Variants in ASH1L observed in about 807,000 individuals in gnomAD.
ASH1L encodes histone-lysine N-methyltransferase ASH1L.
A neutral mutation model predicts 269.0 loss-of-function variants in ASH1L; 23 were observed. The observed-to-expected ratio is 0.09, with a 90% CI of 0.06 to 0.12. The LOEUF is 0.12. Ranked by LOEUF, ASH1L falls within the 10% of genes least tolerant of loss-of-function variation. The pLI is 1.00. For missense variants in ASH1L, 2,912 were observed against 3,567.8 expected, an observed-to-expected ratio of 0.82 and a Z score of 4.68; for synonymous variants, 1,187 against 1,253.5, an observed-to-expected ratio of 0.95 and a Z score of 1.12.
chr1:155,360,323 T>C lies in ASH1L; in HGVS notation c.6773A>G (p.His2258Arg), dbSNP rs1177051584. 1.2e-6 allele frequency: 2 copies of C among 1,612,456 alleles called. No homozygotes were observed. The highest frequency in any genetic ancestry group is 2.7e-5 in the African/African-American group (2 of 74,902). The change falls in exon 13 of 28, where the codon CAT (histidine) becomes CGT (arginine). Residue 2258 changes from histidine to arginine, a missense_variant. This residue lies in a region of ASH1L where 309 missense variants were observed against 435.1 expected (regional missense o/e 0.71). Transcript: ENST00000392403. Reference sequence around the variant, plus strand: ...TACCTGTTTTTCCACATTGAAGGAATGAAAGTTATAATCATAAGTGAGTTC... The same window carrying C: ...TACCTGTTTTTCCACATTGAAGGAACGAAAGTTATAATCATAAGTGAGTTC... ...GTELTYDYNF[H>R]SFNVEKQQLC...
At chr1:155,421,623 A>C (rs528062231) in intron 5 of ASH1L, among the ~76,000 whole-genome samples, 1 of 151,798 alleles carries the variant, frequency 6.6e-6, no homozygotes, top group South Asian at 2.1e-4. Context: ...GTGAGCCGAG[A>C]TCACGCCACT....
At chr1:155,512,676 TC>T (rs1437438979) in intron 2 of ASH1L, among the ~76,000 whole-genome samples, 1 of 151,502 alleles carries the variant, frequency 6.6e-6, no homozygotes, top group Non-Finnish European at 1.5e-5. Context: ...GGTCTCAAAT[TC>T]CTGACCTCAA....
At chr1:155,345,174 CTTTTTTT>C (rs397981613) in intron 21 of ASH1L, among the ~76,000 whole-genome samples, 6 of 64,040 alleles carry the variant, frequency 9.4e-5, no homozygotes, top group Admixed American at 2.5e-4. Flanking sequence ...CCAGGATGGT[CTTTTTTT>C]TTTTTTTTTT....
chr1:155,478,251 C>A lies in ASH1L; in HGVS notation c.4619G>T (p.Cys1540Phe), dbSNP rs772489556. 1.2e-6 allele frequency: 2 copies of A among 1,613,968 alleles called. No individual in the cohort carries two copies. The highest frequency in any genetic ancestry group is 2.7e-5 in the African/African-American group (2 of 74,870). The change falls in exon 3 of 28, where the codon TGC becomes TTC. Residue 1540 changes from cysteine (C) to phenylalanine (F), a missense_variant. Physicochemically the swap from Cys to Phe is radical, Grantham distance 205. Transcript: ENST00000392403. The surrounding 1 kb of genome is among the most constrained non-coding windows in gnomAD (Gnocchi z 4.6). ...GCTTTTTGAAGGAGAGAGATGAGGG[C>A]AGGACATGTGACAACGGTGCTTTTC... ...HKEKHRCHMS[C>F]PHLSPSKSLI...
chr1:155,438,369 T>C lies in ASH1L; in HGVS notation c.5786A>G (p.Gln1929Arg). The stretch of plus-strand genomic sequence containing the variant: ...CTCTTCTTCCTCTGGTAATGGCTTC[T>C]GCTTTTTTCTGGTCTGTTCTTCCAA... ...WLLEEQTRKK[Q>R]KPLPEEEEQE... Residue 1929 changes from glutamine to arginine, a missense_variant, in exon 5 of 28, where the codon CAG becomes CGG. Coordinates refer to ENST00000392403, the MANE Select transcript of ASH1L (RefSeq NM_018489.3). 7 of 1,591,660 alleles carry C rather than the reference T, an allele frequency of 4.4e-6. No homozygotes were observed. The highest frequency in any genetic ancestry group is 6.0e-6 in the Non-Finnish European group (7 of 1,172,590).
intron 2 of ASH1L, among the ~76,000 whole-genome samples, chr1:155,502,630 T>C (rs1571000778): frequency 6.6e-6 from 1 of 152,192 alleles, no homozygotes; most frequent in Non-Finnish European, 1.5e-5. Context: ...ATGTGCTATA[T>C]GTTAAAAACA....
At chr1:155,340,194 CTTTTTAT>C (rs370676952) in intron 25 of ASH1L, among the ~76,000 whole-genome samples, 275 of 151,716 alleles carry the variant, frequency 1.8e-3, no homozygotes, top group African/African-American at 6.4e-3. Flanking sequence ...ATTTTTCTTT[CTTTTTAT>C]TTTTTGAGAG....
At position 155,343,368 on chromosome 1, in the gene ASH1L, A is replaced by G. The variant is rs765193173; in HGVS notation, c.8239T>C (p.Leu2747=). The change falls in exon 24 of 28, where the codon TTG becomes CTG. Residue 2747 remains leucine, a synonymous_variant. Transcript: ENST00000392403. The surrounding 1 kb of genome is among the most constrained non-coding windows in gnomAD (Gnocchi z 6.1). ...FRVPLYEIIP[L]EAVVGTCCVL... is the part of the protein sequence containing the mutation. ...CAGCAGGTCCCCACTACAGCCTCCA[A>G]GGGAATGATCTCATAGAGTGGCACC... The G allele has an allele frequency of 6.2e-7, 1 of 1,614,240 alleles. No homozygotes were observed. The highest frequency in any genetic ancestry group is 1.6e-4 in the Middle Eastern group (1 of 6,062).
intron 1 of ASH1L, among the ~76,000 whole-genome samples, chr1:155,559,634 A>T (rs1346310252): frequency 6.6e-6 from 1 of 152,192 alleles, no homozygotes; most frequent in Non-Finnish European, 1.5e-5. Flanking sequence ...TCAAAGAGTA[A>T]GTAGTGGCAA....
Position 155,478,776 on chromosome 1 carries a change from A to T in ASH1L, c.4094T>A (p.Phe1365Tyr), listed in dbSNP as rs1420205530. 6.2e-7 allele frequency: 1 copy of T among 1,614,190 alleles called. No homozygotes were observed. The highest frequency in any genetic ancestry group is 1.1e-5 in the South Asian group (1 of 91,076). ...KMREAMAEMP[F>Y]MHSLSFPLSS... ...AAGAGGAAAACTAAGGCTGTGCATA[A>T]AAGGCATTTCAGCCATTGCCTCCCT... is the stretch of plus-strand genomic sequence containing the variant. The change falls in exon 3 of 28, where the codon TTT becomes TAT. Residue 1365 changes from phenylalanine to tyrosine, a missense_variant. By Grantham distance (22) the Phe-to-Tyr change is conservative. Around this residue, in one of 13 missense-constraint regions of ASH1L, gnomAD observed 789 missense variants for 897.6 expected, o/e 0.88. Coordinates refer to ENST00000392403, the MANE Select transcript of ASH1L (RefSeq NM_018489.3). This position sits in a 1 kb window ranked among gnomAD's most constrained non-coding sequence, Gnocchi z 4.6.
chr1:155,433,578 C>T (rs766149348), intron 5 of ASH1L: 231 of 1,610,680 alleles, frequency 1.4e-4, no homozygotes, highest in Non-Finnish European at 1.6e-4. Context: ...GAGCAAAACC[C>T]GCAGGAGTCC....
intron 17 of ASH1L, among the ~76,000 whole-genome samples, 169 bp downstream of exon 17, chr1:155,352,537 G>A (rs1263976100): frequency 6.6e-6 from 1 of 151,800 alleles, no homozygotes; most frequent in Non-Finnish European, 1.5e-5. Flanking sequence ...ACGAGCAGTA[G>A]CTCATACCTG....
intron 6 of ASH1L, among the ~76,000 whole-genome samples, chr1:155,401,595 T>C (rs545821202): frequency 6.0e-5 from 9 of 149,816 alleles, no homozygotes; most frequent in Admixed American, 6.7e-5. Flanking sequence ...GAGACCAACC[T>C]GGCGAACATG....
chr1:155,413,838 C>T lies in ASH1L; in HGVS notation c.6008+1906G>A, dbSNP rs557092938. On this transcript the variant is annotated intron_variant, in intron 6 of 27. Coordinates refer to ENST00000392403, the MANE Select transcript of ASH1L (RefSeq NM_018489.3). ...CTTTGAACTACATACTTCACAACTT[C>T]TCTTAAATTAAAAAAAATAGTTAAG... Among the ~76,000 whole-genome samples, 3 of 152,110 alleles carry T rather than the reference C, an allele frequency of 2.0e-5. No individual in the cohort carries two copies. The East Asian group carries it at 5.8e-4, about 29-fold the overall frequency.
At position 155,343,049 on chromosome 1, in the gene ASH1L, T is replaced by C. The variant is rs764331289; in HGVS notation, c.8293+265A>G. 27 of 311,458 alleles carry C rather than the reference T, an allele frequency of 8.7e-5. No homozygotes were observed. Among genetic ancestry groups the C allele is most frequent in the Non-Finnish European group, 1.3e-4 (22 of 169,796 alleles). The allele number at this position is 311,458 out of a possible 1,614,324, so 19.3% of individuals were successfully genotyped here. On this transcript the variant is annotated intron_variant, in intron 24 of 27. Coordinates refer to ENST00000392403, the MANE Select transcript of ASH1L (RefSeq NM_018489.3). The surrounding 1 kb of genome is among the most constrained non-coding windows in gnomAD (Gnocchi z 6.1). ...TTTTTTGAGGCAGGGTTTCATTCTGTTGCACAGGTTGGAGTGCAGTGGTGC... is the reference window on the plus strand; with the variant it reads ...TTTTTTGAGGCAGGGTTTCATTCTGCTGCACAGGTTGGAGTGCAGTGGTGC...
intron 5 of ASH1L, among the ~76,000 whole-genome samples, chr1:155,430,021 G>A (rs1661484595): frequency 6.6e-6 from 1 of 151,748 alleles, no homozygotes; most frequent in South Asian, 2.1e-4. Flanking sequence ...TGTCGCCCAG[G>A]CTGGAGCGCA....
At position 155,480,712 on chromosome 1, in the gene ASH1L, T is replaced by C. The variant is rs1302502225; in HGVS notation, c.2158A>G (p.Thr720Ala). ...CATGTGCTTCTTGCCACCACTTTAG[T>C]CCACCGAGGTTTTCTTCCTTTTCTT... ...KKRKGRKPRW[T>A]KVVARSTCRS... is the part of the protein sequence containing the mutation. Residue 720 changes from threonine to alanine, a missense_variant, in exon 3 of 28, where the codon ACT becomes GCT. Around this residue, in one of 13 missense-constraint regions of ASH1L, gnomAD observed 715 missense variants for 721.0 expected, o/e 0.99. Transcript: ENST00000392403. 1 of 1,613,644 alleles carries C rather than the reference T, an allele frequency of 6.2e-7. No homozygotes were observed. Among genetic ancestry groups the C allele is most frequent in the Non-Finnish European group, 8.5e-7 (1 of 1,179,974 alleles).
At chr1:155,443,736 T>C (rs543527241) in intron 4 of ASH1L, among the ~76,000 whole-genome samples, 41 of 152,340 alleles carry the variant, frequency 2.7e-4, no homozygotes, top group Admixed American at 2.4e-3. Flanking sequence ...AGCATAAATC[T>C]GAGAATCATT....
chr1:155,520,598 C>T (rs1668818555), intron 2 of ASH1L, among the ~76,000 whole-genome samples: 1 of 151,898 alleles, frequency 6.6e-6, no homozygotes, highest in Non-Finnish European at 1.5e-5. Context: ...CGTGGTGGCT[C>T]ATGCCTGTAA....
Sources: gnomAD v4.1 joint callset for allele counts (sites outside exome capture counted in the v4.1 genomes callset) on GRCh38, gnomAD v4.1.1 for gene constraint, gnomAD v4.1.1 regional missense constraint, Gnocchi (gnomAD v3.1) non-coding constraint, MANE v1.5 for transcripts, NCBI Gene and HGNC (gene_info 2026-07-23, HGNC 2026-07-21) for gene names.